Variants in ZSWIM5 observed in about 807,000 individuals in gnomAD.
The protein encoded by ZSWIM5 is zinc finger SWIM domain-containing protein 5.
ZSWIM5 carries 55 observed loss-of-function variants against 119.6 expected under a neutral mutation model. The observed-to-expected ratio is 0.46, with a 90% CI of 0.37 to 0.58. The LOEUF is 0.58. Among genes scored for constraint, ZSWIM5 ranks in the 20% least tolerant of loss-of-function variants. ZSWIM5 has a pLI of 0.00. For synonymous variants in ZSWIM5, 537 were observed against 606.9 expected, an observed-to-expected ratio of 0.88 and a Z score of 1.69; for missense variants, 1,193 against 1,512.8, an observed-to-expected ratio of 0.79 and a Z score of 3.51.
chr1:45,182,417 AACAAACAAAC>A (rs1646027064), intron 1 of ZSWIM5, among the ~76,000 whole-genome samples: 3 of 150,024 alleles, frequency 2.0e-5, no homozygotes, highest in Admixed American at 6.6e-5. Flanking sequence ...AAAACAAACA[AACAAACAAAC>A]AAACAAACAA....
At chr1:45,065,528 A>T (rs887850516) in intron 2 of ZSWIM5, among the ~76,000 whole-genome samples, 3 of 152,218 alleles carry the variant, frequency 2.0e-5, no homozygotes, top group Admixed American at 6.5e-5. Context: ...CCTAGTGTAT[A>T]TCTATGGAAA....
At position 45,020,776 on chromosome 1, in the gene ZSWIM5, C is replaced by G; in HGVS notation, c.2462G>C (p.Arg821Thr). 1 of 1,614,036 alleles carries G rather than the reference C, an allele frequency of 6.2e-7. No homozygotes were observed. The highest frequency in any genetic ancestry group is 1.1e-5 in the South Asian group (1 of 91,056). Residue 821 changes from arginine to threonine, a missense_variant, in exon 12 of 14, where the codon AGA becomes ACA. Arg to Thr is a moderately conservative substitution (Grantham distance 71). Transcript: ENST00000359600. Reference protein sequence around the residue: ...MLTAAKGDTLRLRTILEAIQK... With the variant: ...MLTAAKGDTLTLRTILEAIQK... The stretch of plus-strand genomic sequence containing the variant: ...TATTGCTTCCAGAATTGTTCGGAGT[C>G]TCAAAGTGTCTCCTATAGGTGTCAA...
At chr1:45,107,092 C>CTT (rs1645485623) in intron 1 of ZSWIM5, among the ~76,000 whole-genome samples, 1 of 152,192 alleles carries the variant, frequency 6.6e-6, no homozygotes, top group Non-Finnish European at 1.5e-5. Context: ...CCACAGGAAC[C>CTT]TCTGCCTAGG....
At chr1:45,199,331 C>T (rs1646145231) in intron 1 of ZSWIM5, among the ~76,000 whole-genome samples, 1 of 150,592 alleles carries the variant, frequency 6.6e-6, no homozygotes, top group South Asian at 2.1e-4. Flanking sequence ...CGGAGTCTCA[C>T]TCTGTCGCCC....
chr1:45,164,054 TG>T (rs1292587998), intron 1 of ZSWIM5, among the ~76,000 whole-genome samples: 2 of 152,166 alleles, frequency 1.3e-5, no homozygotes, highest in Admixed American at 1.3e-4. Context: ...GAAAAAATGT[TG>T]AGGGCAGCCA....
intron 1 of ZSWIM5, among the ~76,000 whole-genome samples, chr1:45,168,646 CAG>C: frequency 8.7e-6 from 1 of 115,154 alleles, no homozygotes; most frequent in East Asian, 2.4e-4. Context: ...GCCTGGGCGA[CAG>C]AGTGAGACTC....
intron 1 of ZSWIM5, among the ~76,000 whole-genome samples, chr1:45,120,823 C>G (rs1351376092): frequency 2.0e-5 from 3 of 152,142 alleles, no homozygotes; most frequent in South Asian, 2.1e-4. Flanking sequence ...CCAACCTCCC[C>G]CAAAGCTTCT....
chr1:45,153,736 C>A (rs1645811417), intron 1 of ZSWIM5, among the ~76,000 whole-genome samples: 1 of 151,936 alleles, frequency 6.6e-6, no homozygotes, highest in Admixed American at 6.6e-5. Flanking sequence ...TACTGGAAGT[C>A]CTAGCTAGAG....
chr1:45,137,240 G>A (rs922920787), intron 1 of ZSWIM5, among the ~76,000 whole-genome samples: 11 of 151,840 alleles, frequency 7.2e-5, no homozygotes, highest in African/African-American at 2.7e-4. Context: ...ATTTTTTTAG[G>A]GTCTTGCTAT....
intron 2 of ZSWIM5, among the ~76,000 whole-genome samples, chr1:45,081,564 C>T (rs1342227941): frequency 3.9e-5 from 6 of 152,238 alleles, no homozygotes; most frequent in Non-Finnish European, 8.8e-5. Flanking sequence ...CCGCCAGCCT[C>T]GGCCTCCCGA....
Position 45,019,439 on chromosome 1 carries a change from G to T in ZSWIM5, c.2696-123C>A. The T allele has an allele frequency of 7.4e-7, 1 of 1,343,024 alleles. No homozygotes were observed. The highest frequency in any genetic ancestry group is 1.0e-6 in the Non-Finnish European group (1 of 1,001,552). The allele number at this position is 1,343,024 out of a possible 1,614,324, so 83.2% of individuals were successfully genotyped here. ...AATTCTTCCTCCTCAGCAACCTTGAGATGATATGAGGCAAACCAGGGCAAG... is the reference window on the plus strand; with the variant it reads ...AATTCTTCCTCCTCAGCAACCTTGATATGATATGAGGCAAACCAGGGCAAG... On this transcript the variant is annotated intron_variant, in intron 13 of 13. Coordinates refer to ENST00000359600, the MANE Select transcript of ZSWIM5 (RefSeq NM_020883.2). The surrounding 1 kb of genome is among the most constrained non-coding windows in gnomAD (Gnocchi z 5.0).
In ZSWIM5 at chr1:45,035,824, C is replaced by T; in HGVS notation, c.2156-1G>A. ...TCTCCCAGACCGCTGAAAGGACCTC[C>T]TGGAGGAAGATAAGCCAGCCAGTTA... On this transcript the variant is annotated splice_acceptor_variant, in intron 9 of 13. Coordinates refer to ENST00000359600, the MANE Select transcript of ZSWIM5 (RefSeq NM_020883.2). LOFTEE classifies it high-confidence loss of function. 1 of 1,612,836 alleles carries T rather than the reference C, an allele frequency of 6.2e-7. No individual in the cohort carries two copies. The highest frequency in any genetic ancestry group is 8.5e-7 in the Non-Finnish European group (1 of 1,179,642).
chr1:45,060,716 G>A (rs1645147805), intron 2 of ZSWIM5, among the ~76,000 whole-genome samples: 1 of 152,148 alleles, frequency 6.6e-6, no homozygotes, highest in Non-Finnish European at 1.5e-5. Flanking sequence ...CTGTCACCCA[G>A]GCTGCTGGAG....
chr1:45,058,473 C>T lies in ZSWIM5; in HGVS notation c.1252+136G>A, dbSNP rs1472540564. 5.8e-6 allele frequency: 6 copies of T among 1,041,632 alleles called. No homozygotes were observed. In the African/African-American group the frequency reaches 9.6e-5, roughly 17 times the overall value. 64.5% of individuals were successfully genotyped at this position (1,041,632 alleles called of 1,614,324 possible). A position where few individuals can be genotyped will look rare whatever the true frequency, so the allele number is the denominator to read the frequency against. Reference sequence around the variant, plus strand: ...GTGAGTTCAGTGTTACTCTGGGTGGCCTCTGTAGAACCTAAGTCTTCTACC... The same window carrying T: ...GTGAGTTCAGTGTTACTCTGGGTGGTCTCTGTAGAACCTAAGTCTTCTACC... On this transcript the variant is annotated intron_variant, in intron 4 of 13. Transcript: ENST00000359600.
At chr1:45,126,552 C>T (rs1324121362) in intron 1 of ZSWIM5, among the ~76,000 whole-genome samples, 1 of 152,110 alleles carries the variant, frequency 6.6e-6, no homozygotes, top group Non-Finnish European at 1.5e-5. Flanking sequence ...TCTCAAAACT[C>T]CCAAGGGAAA....
chr1:45,178,765 A>G (rs1055695528), intron 1 of ZSWIM5, among the ~76,000 whole-genome samples: 2 of 152,088 alleles, frequency 1.3e-5, no homozygotes, highest in African/African-American at 4.8e-5. Flanking sequence ...AGAGTACTCT[A>G]TTGGTGAATA....
At chr1:45,036,445 C>T in intron 8 of ZSWIM5, 146 bp from the exon 9 acceptor site, 6 of 1,185,418 alleles carry the variant, frequency 5.1e-6, no homozygotes, top group South Asian at 1.7e-5. Flanking sequence ...GCCTCCGCCT[C>T]CCCGGTTCAA....
At position 45,143,643 on chromosome 1, in the gene ZSWIM5, C is replaced by T. The variant is rs183816545; in HGVS notation, c.596-55406G>A. ...GTACACTCTCCCCATTCCTATTGAA[C>T]ACTGTACTGAAAATCTTAGCTGGTG... On this transcript the variant is annotated intron_variant, in intron 1 of 13. Transcript: ENST00000359600. Among the ~76,000 whole-genome samples the T allele has an allele frequency of 6.4e-4, 97 of 152,158 alleles. 1 individual carries two copies. In the East Asian group the frequency reaches 0.018, roughly 28 times the overall value.
chr1:45,076,966 T>C (rs532315120), intron 2 of ZSWIM5, among the ~76,000 whole-genome samples: 9 of 152,158 alleles, frequency 5.9e-5, no homozygotes, highest in Non-Finnish European at 1.2e-4. Flanking sequence ...TATTTCAATG[T>C]CTTTGTTAAA....
Sources: gnomAD v4.1 joint callset for allele counts (sites outside exome capture counted in the v4.1 genomes callset) on GRCh38, gnomAD v4.1.1 for gene constraint, Gnocchi (gnomAD v3.1) non-coding constraint, MANE v1.5 for transcripts, NCBI Gene and HGNC (gene_info 2026-07-23, HGNC 2026-07-21) for gene names.